The following CBLL1 variants were observed in gnomAD, a reference collection of about 807,000 sequenced individuals.
CBLL1 encodes the protein E3 ubiquitin-protein ligase Hakai.
CBLL1 carries 4 observed loss-of-function variants against 44.9 expected under a neutral mutation model. The ratio of observed to expected loss-of-function variants is 0.09; its 90% CI spans 0.04 to 0.20. CBLL1 has a LOEUF of 0.20. Ranked by LOEUF, CBLL1 falls within the 10% of genes least tolerant of loss-of-function variation. The pLI, the probability that CBLL1 is intolerant of heterozygous loss-of-function variation, is 1.00. For missense variants in CBLL1, 569 were observed against 636.7 expected (o/e 0.89, Z 1.14); for synonymous variants, 235 against 202.2 (o/e 1.16, Z -1.38).
rs568800353 is a variant in CBLL1, at chr7:107,760,856, C to A, written c.*1678C>A. 13 of 152,130 alleles carry A rather than the reference C, an allele frequency of 8.5e-5. No homozygotes were observed. The highest frequency in any genetic ancestry group is 3.1e-4 in the African/African-American group (13 of 41,440). 9.4% of individuals were successfully genotyped at this position (152,130 alleles called of 1,614,324 possible). On this transcript the variant is annotated 3_prime_UTR_variant, in exon 6 of 6. Coordinates refer to ENST00000440859, the MANE Select transcript of CBLL1 (RefSeq NM_024814.4). ...ACCCTAGAGCAGAAGTTAGAAATAA[C>A]AAAATGGCCGTTTCAACCTTGACTG...
chr7:107,751,936 A>G (rs1457345901), intron 2 of CBLL1, among the ~76,000 whole-genome samples: 1 of 152,020 alleles, frequency 6.6e-6, no homozygotes. Context: ...GTGGTGGCTC[A>G]CGCCTGTTTT....
chr7:107,747,152 G>A (rs1793061355), intron 1 of CBLL1, among the ~76,000 whole-genome samples: 1 of 152,130 alleles, frequency 6.6e-6, no homozygotes, highest in Non-Finnish European at 1.5e-5. Flanking sequence ...AAGAAACCCA[G>A]AATGTTATCA....
Position 107,759,535 on chromosome 7 carries a change from C to G in CBLL1, c.*357C>G, listed in dbSNP as rs1298761236. ...CCAACGTTTAGTTTTTCTTGTGATA[C>G]ATTTTGTTAACCTGTGTAAAAGGAT... On this transcript the variant is annotated 3_prime_UTR_variant, in exon 6 of 6. Transcript: ENST00000440859. 1 of 177,472 alleles carries G rather than the reference C, an allele frequency of 5.6e-6. No homozygotes were observed. The highest frequency in any genetic ancestry group is 1.2e-5 in the Non-Finnish European group (1 of 83,548). The allele number at this position is 177,472 out of a possible 1,614,324, so 11.0% of individuals were successfully genotyped here. A position where few individuals can be genotyped will look rare whatever the true frequency, so the allele number is the denominator to read the frequency against.
At chr7:107,745,964 G>A (rs921334605) in intron 1 of CBLL1, among the ~76,000 whole-genome samples, 2 of 152,194 alleles carry the variant, frequency 1.3e-5, no homozygotes, top group African/African-American at 2.4e-5. Flanking sequence ...CTGAAAATAC[G>A]TATTTGGAAG....
At chr7:107,755,618 T>TG in intron 5 of CBLL1, 127 bp downstream of exon 5, 1 of 461,796 alleles carries the variant, frequency 2.2e-6, no homozygotes. Flanking sequence ...ATGGCTAATC[T>TG]TTTTCTGTGA....
At chr7:107,755,635 C>T (rs1446405003) in intron 5 of CBLL1, 144 bp downstream of exon 5, 2 of 420,054 alleles carry the variant, frequency 4.8e-6, no homozygotes, top group Non-Finnish European at 8.6e-6. Context: ...GTGAGCCCAG[C>T]TTGTGTTAGG....
chr7:107,746,459 T>C (rs533794166), intron 1 of CBLL1, among the ~76,000 whole-genome samples: 94 of 152,320 alleles, frequency 6.2e-4, no homozygotes, highest in African/African-American at 2.1e-3. Flanking sequence ...CAGAAGACAG[T>C]ATCAAATACT....
rs1275673922 is a variant in CBLL1 at position 107,758,011 on chromosome 7, G to A, written c.441-132G>A. 7 of 813,796 alleles carry A rather than the reference G, an allele frequency of 8.6e-6. No individual in the cohort carries two copies. The highest frequency in any genetic ancestry group is 1.3e-5 in the Non-Finnish European group (7 of 532,496). The allele number at this position is 813,796 out of a possible 1,614,324, so 50.4% of individuals were successfully genotyped here. On this transcript the variant is annotated intron_variant, in intron 5 of 5. Coordinates refer to ENST00000440859, the MANE Select transcript of CBLL1 (RefSeq NM_024814.4). The surrounding 1 kb of genome is among the most constrained non-coding windows in gnomAD (Gnocchi z 4.2). ...GATTAAAGGTTTGCGTAGAATAACT[G>A]TAACTTCTAATTGTGGACTTTTGCT...
intron 1 of CBLL1, chr7:107,744,476 T>A (rs2129325247): frequency 2.5e-6 from 1 of 401,304 alleles, no homozygotes; most frequent in East Asian, 3.7e-5. Flanking sequence ...CCCGGCTCTG[T>A]TTTATTTAGC....
intron 2 of CBLL1, 168 bp downstream of exon 2, chr7:107,749,215 T>G (rs563041316): frequency 5.7e-6 from 3 of 523,062 alleles, no homozygotes; most frequent in Non-Finnish European, 9.3e-6. Context: ...TTTTCCTTTA[T>G]AAATATTTTT....
intron 5 of CBLL1, 144 bp from the exon 6 acceptor site, chr7:107,757,999 C>T (rs996668005): frequency 1.9e-5 from 14 of 746,170 alleles, no homozygotes; most frequent in East Asian, 2.7e-5. Context: ...TAAAGGTTTG[C>T]GTAGAATAAC....
Position 107,758,941 on chromosome 7 carries a change from T to C in CBLL1, c.1239T>C (p.Gly413=), listed in dbSNP as rs1475446805. 1 of 1,613,296 alleles carries C rather than the reference T, an allele frequency of 6.2e-7. No individual in the cohort carries two copies. The highest frequency in any genetic ancestry group is 8.5e-7 in the Non-Finnish European group (1 of 1,179,678). Residue 413 remains glycine (G), a synonymous_variant, in exon 6 of 6, where the codon GGT becomes GGC. Transcript: ENST00000440859. The surrounding 1 kb of genome is among the most constrained non-coding windows in gnomAD (Gnocchi z 4.2). The stretch of plus-strand genomic sequence containing the variant: ...GACCTCCCCCACCTCAACATGGTGG[T>C]CCACCTGTAACTGCACCCCCTCCTC... ...PPGPPPPQHG[G]PPVTAPPPHH...
rs777187340 is a variant in CBLL1 at position 107,744,158 on chromosome 7, C to T, written c.-6C>T. 1 of 1,554,206 alleles carries T rather than the reference C, an allele frequency of 6.4e-7. No homozygotes were observed. The highest frequency in any genetic ancestry group is 8.7e-7 in the Non-Finnish European group (1 of 1,148,602). On this transcript the variant is annotated 5_prime_UTR_variant, in exon 1 of 6. Coordinates refer to ENST00000440859, the MANE Select transcript of CBLL1 (RefSeq NM_024814.4). ...TCCGCTCCCACTGTGCTCTGCGAGCCGAATCATGGATCACACTGGTAAGGA... is the reference window on the plus strand; with the variant it reads ...TCCGCTCCCACTGTGCTCTGCGAGCTGAATCATGGATCACACTGGTAAGGA...
chr7:107,745,808 G>A lies in CBLL1; in HGVS notation c.13+1632G>A, dbSNP rs767921077. On this transcript the variant is annotated intron_variant, in intron 1 of 5. Coordinates refer to ENST00000440859, the MANE Select transcript of CBLL1 (RefSeq NM_024814.4). ...ACTAGGTAGGGTCCATTATTGAGCT[G>A]AGGAAAACTTGGGGCAGAAAACAAT... 4.7e-4 allele frequency among the ~76,000 whole-genome samples: 71 copies of A among 152,210 alleles called. 1 individual carries two copies. The highest frequency in any genetic ancestry group is 9.8e-4 in the Non-Finnish European group (67 of 68,040).
intron 1 of CBLL1, among the ~76,000 whole-genome samples, chr7:107,748,328 G>A (rs903353080): frequency 5.3e-5 from 8 of 152,106 alleles, no homozygotes; most frequent in African/African-American, 1.7e-4. Context: ...ATTTCTGAAT[G>A]ATTTTTAGAA....
rs1182261271 is a variant in CBLL1 at position 107,760,505 on chromosome 7, A to G, written c.*1327A>G. The stretch of plus-strand genomic sequence containing the variant: ...TGGTGCCTTTCGAGTCAGCTTTTAC[A>G]TTATAGGGGCTTGTTATAGTTTAGC... On this transcript the variant is annotated 3_prime_UTR_variant, in exon 6 of 6. Transcript: ENST00000440859. 9.9e-5 allele frequency: 15 copies of G among 152,188 alleles called. No individual in the cohort carries two copies. The highest frequency in any genetic ancestry group is 1.5e-5 in the Non-Finnish European group (1 of 67,946). 9.4% of individuals were successfully genotyped at this position (152,188 alleles called of 1,614,324 possible).
chr7:107,748,475 A>C (rs1793114431), intron 1 of CBLL1, among the ~76,000 whole-genome samples: 1 of 151,922 alleles, frequency 6.6e-6, no homozygotes, highest in South Asian at 2.1e-4. Context: ...ATGATCAGAC[A>C]TGGAGACAGG....
intron 2 of CBLL1, chr7:107,752,444 CTCTG>C: frequency 1.9e-5 from 8 of 430,346 alleles, no homozygotes; most frequent in African/African-American, 4.7e-5. Context: ...GAATGTGTCT[CTCTG>C]TGTGTGTGTG....
At chr7:107,752,212 A>G (rs1431681710) in intron 2 of CBLL1, among the ~76,000 whole-genome samples, 3 of 151,888 alleles carry the variant, frequency 2.0e-5, no homozygotes, top group Non-Finnish European at 4.4e-5. Context: ...AAAAAAAAAA[A>G]AAAAGAAAAA....
Sources: gnomAD v4.1 joint callset for allele counts (sites outside exome capture counted in the v4.1 genomes callset) on GRCh38, gnomAD v4.1.1 for gene constraint, Gnocchi (gnomAD v3.1) non-coding constraint, MANE v1.5 for transcripts, NCBI Gene and HGNC (gene_info 2026-07-23, HGNC 2026-07-21) for gene names.